RBPMS: variants seen among roughly 807,000 people sequenced by gnomAD.
RBPMS encodes RNA-binding protein with multiple splicing.
A neutral mutation model predicts 26.8 loss-of-function variants in RBPMS; 7 were observed. The ratio of observed to expected loss-of-function variants is 0.26; its 90% CI spans 0.15 to 0.49. RBPMS has a LOEUF of 0.49. Ranked by LOEUF, RBPMS falls within the 20% of genes least tolerant of loss-of-function variation. The probability of loss-of-function intolerance (pLI) is 0.98; values close to 1 mark genes in which losing one functional copy is unlikely to be tolerated. For missense variants in RBPMS, 186 were observed against 250.0 expected, an observed-to-expected ratio of 0.74 and a Z score of 1.73; for synonymous variants, 96 against 93.3, an observed-to-expected ratio of 1.03 and a Z score of -0.17.
chr8:30,442,294 A>G (rs567149232), intron 1 of RBPMS, among the ~76,000 whole-genome samples: 1 of 152,222 alleles, frequency 6.6e-6, no homozygotes, highest in East Asian at 1.9e-4. Context: ...ATGAAATAAA[A>G]CATTTAGGCT....
chr8:30,554,458 A>G (rs1826670575), intron 6 of RBPMS, among the ~76,000 whole-genome samples: 1 of 152,234 alleles, frequency 6.6e-6, no homozygotes, highest in Non-Finnish European at 1.5e-5. Flanking sequence ...TCTTGGAGCC[A>G]TTACTGTGCC....
intron 6 of RBPMS, chr8:30,558,036 G>A (rs1273299881): frequency 6.6e-6 from 1 of 152,180 alleles, no homozygotes; most frequent in East Asian, 1.9e-4. Flanking sequence ...AGCTAATTTT[G>A]TATTTTTAGT....
At chr8:30,559,167 G>A (rs781232097) in intron 7 of RBPMS, among the ~76,000 whole-genome samples, 2 of 152,156 alleles carry the variant, frequency 1.3e-5, no homozygotes, top group African/African-American at 2.4e-5. Flanking sequence ...GTCTATTTGA[G>A]TCTAACTTAG....
intron 1 of RBPMS, among the ~76,000 whole-genome samples, chr8:30,461,478 TCTGCCTC>T (rs1232886307): frequency 6.6e-6 from 1 of 152,214 alleles, no homozygotes; most frequent in Non-Finnish European, 1.5e-5. Flanking sequence ...CACTGCAACC[TCTGCCTC>T]CTGGGTTCAA....
At chr8:30,486,271 C>T (rs1818754432) in intron 4 of RBPMS, among the ~76,000 whole-genome samples, 1 of 151,736 alleles carries the variant, frequency 6.6e-6, no homozygotes, top group South Asian at 2.1e-4. Flanking sequence ...ACCTAGGAGG[C>T]GGAGGTTGCA....
chr8:30,485,411 G>A (rs1818674549), intron 4 of RBPMS, among the ~76,000 whole-genome samples: 1 of 152,196 alleles, frequency 6.6e-6, no homozygotes, highest in South Asian at 2.1e-4. Context: ...GTGGGTTAAA[G>A]AGGCCCAATT....
rs746102094 is a variant in RBPMS, at chr8:30,558,969, T to C, written c.*7+13T>C. The C allele has an allele frequency of 6.2e-7, 1 of 1,611,328 alleles. No individual in the cohort carries two copies. Among genetic ancestry groups the C allele is most frequent in the Admixed American group, 1.7e-5 (1 of 60,030 alleles). On this transcript the variant is annotated intron_variant, in intron 7 of 8. Coordinates refer to ENST00000397323, the MANE Select transcript of RBPMS (RefSeq NM_001008710.3). ...TGCTGAATACTATGTAAGTACTCGC[T>C]TTCCTTTGGAATGTGCGAAGCCCCT...
chr8:30,458,707 T>C (rs548740271), intron 1 of RBPMS, among the ~76,000 whole-genome samples: 1 of 152,328 alleles, frequency 6.6e-6, no homozygotes, highest in South Asian at 2.1e-4. Flanking sequence ...ATTCTTTAAA[T>C]TTGTGGCCTC....
At chr8:30,416,242 A>T (rs1420107557) in intron 1 of RBPMS, among the ~76,000 whole-genome samples, 2 of 152,224 alleles carry the variant, frequency 1.3e-5, no homozygotes, top group Admixed American at 6.5e-5. Flanking sequence ...TCCATAGGAC[A>T]TACAGTGTTG....
At chr8:30,555,095 G>A in intron 6 of RBPMS, among the ~76,000 whole-genome samples, 1 of 152,126 alleles carries the variant, frequency 6.6e-6, no homozygotes, top group Admixed American at 6.5e-5. Flanking sequence ...GGAAGAGGAT[G>A]GAAATTATTT....
At position 30,542,279 on chromosome 8, in the gene RBPMS, G is replaced by T. The variant is rs182238684; in HGVS notation, c.398-2215G>T. Among the ~76,000 whole-genome samples the T allele has an allele frequency of 1.2e-3, 176 of 152,312 alleles. 1 individual carries two copies. The highest frequency in any genetic ancestry group is 4.1e-3 in the African/African-American group (172 of 41,554). On this transcript the variant is annotated intron_variant, in intron 5 of 8. Transcript: ENST00000397323. ...CAGTAAAGAACTAATGGGAAGTAAT[G>T]CTTCAGGATAAAAACAGAGAAAAGT...
chr8:30,500,263 T>C (rs919022313), intron 4 of RBPMS, among the ~76,000 whole-genome samples: 45 of 152,130 alleles, frequency 3.0e-4, no homozygotes, highest in African/African-American at 1.1e-3. Flanking sequence ...TTTCTGGACT[T>C]ACACAGATAG....
In RBPMS at chr8:30,558,929, A is replaced by T. The variant is rs767877340; in HGVS notation, c.571A>T (p.Lys191Ter). The change falls in exon 7 of 9, where the codon AAG becomes TAG. Residue 191 changes from lysine (K) to a stop codon, truncating the protein, a stop_gained. Transcript: ENST00000397323. LOFTEE classifies it high-confidence loss of function. ...PPSEATSQGW[K>*]SRQFC is the part of the protein sequence containing the mutation. ...CTCCGAGGCTACTTCTCAGGGCTGG[A>T]AGTCCCGTCAGTTCTGCTGAATACT... 6.2e-6 allele frequency: 10 copies of T among 1,614,142 alleles called. No individual in the cohort carries two copies. Among genetic ancestry groups the T allele is most frequent in the Non-Finnish European group, 8.5e-6 (10 of 1,180,016 alleles).
intron 5 of RBPMS, among the ~76,000 whole-genome samples, chr8:30,521,903 T>C (rs556951251): frequency 7.2e-5 from 11 of 152,186 alleles, no homozygotes; most frequent in African/African-American, 2.4e-4. Flanking sequence ...ATAAAGAAGA[T>C]AGAATGGGGG....
intron 4 of RBPMS, among the ~76,000 whole-genome samples, chr8:30,503,480 A>T (rs1284481710): frequency 6.6e-6 from 1 of 150,904 alleles, no homozygotes; most frequent in Non-Finnish European, 1.5e-5. Context: ...GCTGGTGTTG[A>T]ACTCCCGAGC....
At chr8:30,450,263 CTATT>C (rs780547801) in intron 1 of RBPMS, among the ~76,000 whole-genome samples, 7 of 152,214 alleles carry the variant, frequency 4.6e-5, no homozygotes, top group South Asian at 2.1e-4. Context: ...TGGAGGTAGA[CTATT>C]TAATCATTTG....
chr8:30,439,794 G>A (rs1687278915), intron 1 of RBPMS, among the ~76,000 whole-genome samples: 1 of 152,138 alleles, frequency 6.6e-6, no homozygotes, highest in African/African-American at 2.4e-5. Flanking sequence ...TATGAATATA[G>A]ACATGTACCA....
At chr8:30,457,067 T>C (rs1252564094) in intron 1 of RBPMS, among the ~76,000 whole-genome samples, 1 of 152,234 alleles carries the variant, frequency 6.6e-6, no homozygotes, top group Non-Finnish European at 1.5e-5. Context: ...TATCTTTGCC[T>C]GTGTTCTGGC....
chr8:30,513,272 T>A (rs952370802), intron 5 of RBPMS, among the ~76,000 whole-genome samples: 11 of 152,062 alleles, frequency 7.2e-5, no homozygotes, highest in Non-Finnish European at 1.5e-4. Flanking sequence ...CTTTATTAAA[T>A]CATTGAACAG....
Sources: allele counts gnomAD v4.1 joint callset (sites outside exome capture counted in the v4.1 genomes callset), GRCh38; gene constraint gnomAD v4.1.1; transcripts MANE v1.5; gene names NCBI Gene and HGNC (gene_info 2026-07-23, HGNC 2026-07-21).